VPS8: variants seen among roughly 807,000 people sequenced by gnomAD.
VPS8 encodes the protein vacuolar protein sorting-associated protein 8 homolog.
VPS8 carries 129 observed loss-of-function variants against 216.4 expected under a neutral mutation model. The observed-to-expected ratio is 0.60, with a 90% CI of 0.52 to 0.69. The LOEUF is 0.69. VPS8 is among the 30% of genes least tolerant of loss of function. The probability of loss-of-function intolerance (pLI) is 0.00; values close to 1 mark genes in which losing one functional copy is unlikely to be tolerated. For missense variants in VPS8, 1,531 were observed against 1,683.5 expected, an observed-to-expected ratio of 0.91 and a Z score of 1.59; for synonymous variants, 571 against 565.4, an observed-to-expected ratio of 1.01 and a Z score of -0.14.
intron 16 of VPS8, among the ~76,000 whole-genome samples, chr3:184,864,958 T>G (rs1435488728): frequency 6.6e-6 from 1 of 152,036 alleles, no homozygotes; most frequent in African/African-American, 2.4e-5. Flanking sequence ...GTTAAAAAAG[T>G]TAAGTAGAGA....
intron 44 of VPS8, among the ~76,000 whole-genome samples, chr3:184,997,207 G>C (rs1018210211): frequency 3.3e-5 from 5 of 152,206 alleles, no homozygotes; most frequent in Admixed American, 1.3e-4. Flanking sequence ...CAGGAGCAAA[G>C]ACAGCTCATC....
intron 1 of VPS8, among the ~76,000 whole-genome samples, chr3:184,815,496 A>G (rs1282146346): frequency 6.6e-6 from 1 of 152,180 alleles, no homozygotes; most frequent in African/African-American, 2.4e-5. Flanking sequence ...TTTGGGGCAC[A>G]TGACTGTATA....
At chr3:184,846,385 C>T (rs1368029381) in intron 8 of VPS8, among the ~76,000 whole-genome samples, 1 of 152,186 alleles carries the variant, frequency 6.6e-6, no homozygotes, top group African/African-American at 2.4e-5. Context: ...GGTTTTTAAT[C>T]TACAAGTTAT....
intron 46 of VPS8, among the ~76,000 whole-genome samples, chr3:185,032,694 C>A (rs1396929295): frequency 1.3e-5 from 2 of 151,304 alleles, no homozygotes; most frequent in Non-Finnish European, 2.9e-5. Flanking sequence ...GAGACAAAGT[C>A]TCGCTCTGTC....
chr3:185,047,769 GTGACT>G (rs1391044634), intron 46 of VPS8, among the ~76,000 whole-genome samples: 2 of 152,112 alleles, frequency 1.3e-5, no homozygotes, highest in African/African-American at 2.4e-5. Context: ...GAGAAGTGAG[GTGACT>G]TGCCTAAAGT....
intron 7 of VPS8, among the ~76,000 whole-genome samples, chr3:184,842,186 CAAAAAAAAAA>C (rs71162267): frequency 8.2e-5 from 4 of 48,982 alleles, no homozygotes; most frequent in East Asian, 2.1e-3. Context: ...GACTCCGTCT[CAAAAAAAAAA>C]AAAAAAAAAA....
chr3:184,925,381 T>TC (rs1239197654), intron 30 of VPS8, among the ~76,000 whole-genome samples: 1 of 152,206 alleles, frequency 6.6e-6, no homozygotes, highest in Non-Finnish European at 1.5e-5. Flanking sequence ...AAATAGCTAT[T>TC]TTTCCACAGG....
At chr3:184,947,128 T>A (rs1056620059) in intron 36 of VPS8, among the ~76,000 whole-genome samples, 2 of 152,202 alleles carry the variant, frequency 1.3e-5, no homozygotes, top group Admixed American at 6.5e-5. Flanking sequence ...CAGATTCCGC[T>A]GGTACCTGCT....
At chr3:184,951,463 C>T (rs549180934) in intron 36 of VPS8, among the ~76,000 whole-genome samples, 2 of 148,038 alleles carry the variant, frequency 1.4e-5, no homozygotes, top group Admixed American at 6.8e-5. Context: ...CCAGCCAGGA[C>T]GACAGAGTGA....
chr3:184,852,532 C>T lies in VPS8; in HGVS notation c.786C>T (p.Asn262=), dbSNP rs749417221. The change falls in exon 11 of 48, where the codon AAC becomes AAT. Residue 262 remains asparagine (N), a synonymous_variant. Transcript: ENST00000625842. Reference sequence around the variant, plus strand: ...ATGATCCAACTCTTGCAATTTGCAACGACAGCGGAGGCTCTGTTTTTGAAT... The same window carrying T: ...ATGATCCAACTCTTGCAATTTGCAATGACAGCGGAGGCTCTGTTTTTGAAT... ...FTDDPTLAIC[N]DSGGSVFELT... 3.0e-5 allele frequency: 49 copies of T among 1,613,456 alleles called. No homozygotes were observed. The highest frequency in any genetic ancestry group is 1.2e-4 in the Admixed American group (7 of 59,944).
At chr3:184,954,868 CATT>C (rs1468690264) in intron 36 of VPS8, among the ~76,000 whole-genome samples, 2 of 152,154 alleles carry the variant, frequency 1.3e-5, no homozygotes, top group Non-Finnish European at 2.9e-5. Flanking sequence ...AATTATCAAT[CATT>C]ATTATAAACA....
chr3:185,050,562 G>C (rs1713991026), intron 47 of VPS8, among the ~76,000 whole-genome samples: 1 of 152,244 alleles, frequency 6.6e-6, no homozygotes, highest in Non-Finnish European at 1.5e-5. Context: ...GCACCTCGAA[G>C]ACATGGTGCC....
chr3:184,917,113 T>TA (rs1311953951), intron 28 of VPS8, among the ~76,000 whole-genome samples: 1 of 152,194 alleles, frequency 6.6e-6, no homozygotes, highest in African/African-American at 2.4e-5. Context: ...GAGGGGCACC[T>TA]ACTGGAACGT....
chr3:184,884,056 G>A (rs1040227039), intron 21 of VPS8, among the ~76,000 whole-genome samples: 1 of 152,118 alleles, frequency 6.6e-6, no homozygotes, highest in Non-Finnish European at 1.5e-5. Flanking sequence ...TCAAGTATCT[G>A]AGGAGTATCC....
chr3:184,860,129 A>G (rs7340698), intron 15 of VPS8, 64 bp downstream of exon 15: 309,777 of 1,300,540 alleles, frequency 0.24, 42,165 homozygotes, highest in East Asian at 0.6. Context: ...TCTATGATAT[A>G]TTAAAGCTAC....
At position 184,849,291 on chromosome 3, in the gene VPS8, A is replaced by G. The variant is rs79701655; in HGVS notation, c.666+96A>G. 4.4e-6 allele frequency: 6 copies of G among 1,379,096 alleles called. No individual in the cohort carries two copies. The East Asian group carries it at 7.4e-5, about 17-fold the overall frequency. 85.4% of individuals were successfully genotyped at this position (1,379,096 alleles called of 1,614,324 possible). ...TAGATCAAAGACCAAAATACGTGTT[A>G]TGAAGTAATATGTTTGTAGAGCTAA... On this transcript the variant is annotated intron_variant, in intron 9 of 47. Transcript: ENST00000625842.
At chr3:184,948,222 CT>C (rs61186163) in intron 36 of VPS8, among the ~76,000 whole-genome samples, 8 of 146,042 alleles carry the variant, frequency 5.5e-5, no homozygotes, top group East Asian at 2.0e-4. Flanking sequence ...CATATAGGCT[CT>C]TTTTTTTTTT....
chr3:184,902,700 C>T (rs1353519255), intron 25 of VPS8, among the ~76,000 whole-genome samples: 3 of 137,486 alleles, frequency 2.2e-5, no homozygotes, highest in Non-Finnish European at 3.2e-5. Flanking sequence ...CGTGGTGGCG[C>T]GTGCCTGTAG....
At chr3:185,013,686 C>T (rs1038886172) in intron 45 of VPS8, among the ~76,000 whole-genome samples, 4 of 152,174 alleles carry the variant, frequency 2.6e-5, no homozygotes, top group Non-Finnish European at 5.9e-5. Context: ...GCTCCTACAA[C>T]GGGCCATATC....
Sources: allele counts gnomAD v4.1 joint callset (sites outside exome capture counted in the v4.1 genomes callset), GRCh38; gene constraint gnomAD v4.1.1; transcripts MANE v1.5; gene names NCBI Gene and HGNC (gene_info 2026-07-23, HGNC 2026-07-21).